Variants in ZDHHC11 observed in about 807,000 individuals in gnomAD.
ZDHHC11 encodes the protein palmitoyltransferase ZDHHC11.
Under a neutral mutation model 51.3 loss-of-function variants are expected in ZDHHC11, and 44 were observed. The observed-to-expected ratio is 0.86, with a 90% CI of 0.67 to 1.10. The LOEUF (loss-of-function observed/expected upper bound fraction) is 1.10. Among genes scored for constraint, ZDHHC11 ranks in the 50% least tolerant of loss-of-function variants. The pLI is 0.00. For missense variants in ZDHHC11, 400 were observed against 537.7 expected (o/e 0.74, Z 2.53); for synonymous variants, 163 against 222.0 (o/e 0.73, Z 2.36).
In ZDHHC11 at chr5:848,752, G is replaced by A. The variant is rs325140; in HGVS notation, c.223-92C>T. 7.4e-4 allele frequency: 1,132 copies of A among 1,530,682 alleles called. 1 individual carries two copies. The highest frequency in any genetic ancestry group is 3.6e-3 in the African/African-American group (262 of 72,606). 94.8% of individuals were successfully genotyped at this position (1,530,682 alleles called of 1,614,324 possible). On this transcript the variant is annotated intron_variant, in intron 1 of 12. Coordinates refer to ENST00000283441, the MANE Select transcript of ZDHHC11 (RefSeq NM_024786.3). ...CCAAGGGCCCAGAAGAGGCGTGGCCGCTGGTCAGCCCTGCTCACCCAGCCC... is the reference window on the plus strand; with the variant it reads ...CCAAGGGCCCAGAAGAGGCGTGGCCACTGGTCAGCCCTGCTCACCCAGCCC...
rs537048271 is a variant in ZDHHC11, at chr5:807,304, T to C, written c.1182-6140A>G. 3.1e-4 allele frequency among the ~76,000 whole-genome samples: 47 copies of C among 151,068 alleles called. 2 individuals are homozygous for C. The highest frequency in any genetic ancestry group is 1.1e-3 in the African/African-American group (46 of 41,208). ...ATGTATTGCACGTATGTATGTACTC[T>C]TTAGGAATATACAACTATATCTATA... On this transcript the variant is annotated intron_variant, in intron 11 of 12. Transcript: ENST00000283441.
At chr5:806,917 C>T (rs1309916827) in intron 11 of ZDHHC11, among the ~76,000 whole-genome samples, 1 of 151,090 alleles carries the variant, frequency 6.6e-6, no homozygotes, top group African/African-American at 2.4e-5. Context: ...ACATGTGCAA[C>T]ACCTTTAAAA....
chr5:847,983 A>G (rs896274959), intron 2 of ZDHHC11, among the ~76,000 whole-genome samples: 79 of 151,890 alleles, frequency 5.2e-4, no homozygotes, highest in Non-Finnish European at 1.0e-3. Flanking sequence ...ACCTGTGCCT[A>G]CAGGGCCTCC....
At chr5:820,884 A>G (rs2150334113) in intron 9 of ZDHHC11, among the ~76,000 whole-genome samples, 1 of 151,444 alleles carries the variant, frequency 6.6e-6, no homozygotes, top group Middle Eastern at 3.4e-3. Flanking sequence ...TAAACAGATG[A>G]TGCACCTCCA....
intron 1 of ZDHHC11, chr5:849,567 C>T (rs1409752041): frequency 1.3e-5 from 2 of 152,310 alleles, no homozygotes; most frequent in African/African-American, 2.4e-5. Flanking sequence ...GAGAATAGCT[C>T]AGGGAAACCC....
chr5:820,330 A>C (rs1741405680), intron 9 of ZDHHC11, among the ~76,000 whole-genome samples: 1 of 151,618 alleles, frequency 6.6e-6, no homozygotes, highest in Non-Finnish European at 1.5e-5. Flanking sequence ...GGGTCGTTTG[A>C]AAGGGAATGA....
chr5:839,694 G>A (rs1481762188), intron 5 of ZDHHC11: 2 of 152,804 alleles, frequency 1.3e-5, no homozygotes, highest in East Asian at 3.8e-4. Flanking sequence ...GGATGCTCTG[G>A]AGATGGAGGT....
chr5:848,570 T>G lies in ZDHHC11; in HGVS notation c.313A>C (p.Asn105His), dbSNP rs1646850773. 2 of 1,584,486 alleles carry G rather than the reference T, an allele frequency of 1.3e-6. 1 individual carries two copies. The highest frequency in any genetic ancestry group is 2.3e-5 in the South Asian group (2 of 88,070). ...PADSNVRLMK[N>H]YSQPMPLFDR... ...AAGAGGGGCATGGGCTGAGAATAGT[T>G]CTTCATGAGTCTGACATTGGAGTCG... The change falls in exon 2 of 13, where the codon AAC becomes CAC. Residue 105 changes from asparagine (N) to histidine (H), a missense_variant. Around this residue, in one of 5 missense-constraint regions of ZDHHC11, gnomAD observed 22 missense variants for 81.0 expected, o/e 0.27. Transcript: ENST00000283441.
At chr5:854,037 C>T (rs1324264380), upstream of ZDHHC11, among the ~76,000 whole-genome samples, 1 of 150,290 alleles carries the variant, frequency 6.7e-6, no homozygotes, top group Non-Finnish European at 1.5e-5. Context: ...GGACAGACCG[C>T]ACAGAGGACA....
upstream of ZDHHC11, among the ~76,000 whole-genome samples, chr5:859,888 TGCGG>T (rs1217796427): frequency 6.6e-6 from 1 of 152,082 alleles, no homozygotes; most frequent in African/African-American, 2.4e-5. Context: ...ATGCCTCCGA[TGCGG>T]GCCAGCTGCT....
In ZDHHC11 at chr5:843,623, A is replaced by C. The variant is rs377668425; in HGVS notation, c.605T>G (p.Leu202Arg). The C allele has an allele frequency of 8.7e-6, 14 of 1,608,038 alleles. 1 individual carries two copies. The highest frequency in any genetic ancestry group is 8.4e-5 in the Admixed American group (5 of 59,850). Residue 202 changes from leucine (L) to arginine (R), a missense_variant, in exon 4 of 13, where the codon CTC becomes CGC. Physicochemically the swap from Leu to Arg is moderately radical, Grantham distance 102 (BLOSUM62 -2). Coordinates refer to ENST00000283441, the MANE Select transcript of ZDHHC11 (RefSeq NM_024786.3). ...ACCTTCATACCTGGGGTCCGTGCGGAGCACCCCGGGGTTCACGAGGTACTG... is the reference window on the plus strand; with the variant it reads ...ACCTTCATACCTGGGGTCCGTGCGGCGCACCCCGGGGTTCACGAGGTACTG... ...LVQYLVNPGV[L>R]RTDPRYEDVK...
chr5:850,222 T>G, intron 1 of ZDHHC11, 159 bp downstream of exon 1: 1 of 784,506 alleles, frequency 1.3e-6, no homozygotes, highest in Non-Finnish European at 2.1e-6. Context: ...AGAGCATGAG[T>G]GGCCACTGGG....
upstream of ZDHHC11, among the ~76,000 whole-genome samples, chr5:859,067 G>A (rs1352310436): frequency 2.6e-5 from 4 of 152,120 alleles, no homozygotes; most frequent in African/African-American, 9.7e-5. Context: ...GGGGACAAGG[G>A]GGCATGAGGA....
chr5:850,330 G>C lies in ZDHHC11; in HGVS notation c.222+51C>G, dbSNP rs753120483. On this transcript the variant is annotated intron_variant, in intron 1 of 12. Coordinates refer to ENST00000283441, the MANE Select transcript of ZDHHC11 (RefSeq NM_024786.3). ...GACCCCACAGCCAGGTCCATCGCAAGTTCCTCCAGGAACCCCTCCCGCTTA... is the reference window on the plus strand; with the variant it reads ...GACCCCACAGCCAGGTCCATCGCAACTTCCTCCAGGAACCCCTCCCGCTTA... The C allele has an allele frequency of 5.1e-6, 8 of 1,583,034 alleles. No individual in the cohort carries two copies. In the Admixed American group the frequency reaches 1.1e-4, roughly 21 times the overall value.
intron 3 of ZDHHC11, among the ~76,000 whole-genome samples, chr5:846,620 C>T (rs1677789547): frequency 1.4e-5 from 2 of 147,990 alleles, no homozygotes; most frequent in Non-Finnish European, 3.0e-5. Flanking sequence ...AGTGGAAACA[C>T]CTCTCATCCT....
chr5:851,502 CTT>C (rs1371343377), upstream of ZDHHC11, among the ~76,000 whole-genome samples: 2 of 152,182 alleles, frequency 1.3e-5, no homozygotes, highest in Non-Finnish European at 2.9e-5. Flanking sequence ...CTTGTTGTCT[CTT>C]TGGGAAAAAA....
intron 12 of ZDHHC11, among the ~76,000 whole-genome samples, chr5:798,948 A>T (rs1738008646): frequency 6.6e-6 from 1 of 152,154 alleles, no homozygotes; most frequent in African/African-American, 2.4e-5. Context: ...TCAGCAGACA[A>T]GCTGTGGTTG....
intron 8 of ZDHHC11, chr5:823,487 T>C (rs1234830222): frequency 2.0e-5 from 3 of 152,076 alleles, no homozygotes; most frequent in African/African-American, 7.3e-5. Flanking sequence ...AGCATCTTCT[T>C]TGGACAACAC....
In ZDHHC11 at chr5:849,574, A is replaced by AC. The variant is rs1318088362; in HGVS notation, c.222+806dup. ...CTCTCCCCGAGAATAGCTCAGGGAA[A>AC]CCCCCCTCAGACTCCCTCAGGGCCC... On this transcript the variant is annotated intron_variant, in intron 1 of 12. Transcript: ENST00000283441. The AC allele has an allele frequency of 2.0e-5, 3 of 149,766 alleles. No individual in the cohort carries two copies. The East Asian group carries it at 5.9e-4, about 29-fold the overall frequency. The allele number at this position is 149,766 out of a possible 1,614,324, so 9.3% of individuals were successfully genotyped here.
Sources: gnomAD v4.1 joint callset for allele counts (sites outside exome capture counted in the v4.1 genomes callset) on GRCh38, gnomAD v4.1.1 for gene constraint, gnomAD v4.1.1 regional missense constraint, MANE v1.5 for transcripts, NCBI Gene and HGNC (gene_info 2026-07-23, HGNC 2026-07-21) for gene names.